The following KDM2B variants were observed in gnomAD, a reference collection of about 807,000 sequenced individuals.
KDM2B encodes lysine demethylase 2B.
KDM2B carries 26 observed loss-of-function variants against 150.0 expected under a neutral mutation model. That is an observed-to-expected ratio of 0.17 (90% confidence interval 0.13 to 0.24). The LOEUF (loss-of-function observed/expected upper bound fraction) is 0.24, where lower values mean the gene tolerates loss of function less well. KDM2B is among the 10% of genes least tolerant of loss of function. The pLI is 1.00. For missense variants in KDM2B, 1,265 were observed against 1,816.9 expected (o/e 0.70, Z 5.52); for synonymous variants, 734 against 729.5 (o/e 1.01, Z -0.10).
intron 6 of KDM2B, chr12:121,536,059 G>A (rs1269461064): frequency 4.1e-6 from 4 of 985,838 alleles, no homozygotes; most frequent in Middle Eastern, 5.1e-4. Context: ...ATGGTTTGGG[G>A]AAGAGGGAAG....
chr12:121,463,518 TGA>T (rs1879403475), intron 12 of KDM2B, among the ~76,000 whole-genome samples: 1 of 152,236 alleles, frequency 6.6e-6, no homozygotes, highest in Non-Finnish European at 1.5e-5. Context: ...CATAAATTTC[TGA>T]GAGATTTTCT....
In KDM2B at chr12:121,480,583, C is replaced by CAAAAAA. The variant is rs35490517; in HGVS notation, c.1734+13990_1734+13995dup. 4.9e-4 allele frequency among the ~76,000 whole-genome samples: 31 copies of CAAAAAA among 63,232 alleles called. No individual in the cohort carries two copies. The East Asian group carries it at 9.2e-3, about 19-fold the overall frequency. The allele number at this position is 63,232 out of a possible 152,430, so 41.5% of individuals were successfully genotyped here. A position where few individuals can be genotyped will look rare whatever the true frequency, so the allele number is the denominator to read the frequency against. On this transcript the variant is annotated intron_variant, in intron 12 of 22. Coordinates refer to ENST00000377071, the MANE Select transcript of KDM2B (RefSeq NM_032590.5). ...CAACATAATGAGACCCTGTCGCTACCAAAAAAAAAAAAAAAAAAAAAAAAG... is the reference window on the plus strand; with the variant it reads ...CAACATAATGAGACCCTGTCGCTACCAAAAAAAAAAAAAAAAAAAAAAAAAAAAAAG...
chr12:121,417,795 A>G, the KDM2B span: 1 of 1,614,216 alleles, frequency 6.2e-7, no homozygotes, highest in Non-Finnish European at 8.5e-7. This position sits in a 1 kb window ranked among gnomAD's most constrained non-coding sequence, Gnocchi z 5.0. Context: ...CCAGACTTCT[A>G]GCTTTTTTAC....
In KDM2B at chr12:121,479,614, A is replaced by C. The variant is rs187803147; in HGVS notation, c.1734+14965T>G. On this transcript the variant is annotated intron_variant, in intron 12 of 22. Coordinates refer to ENST00000377071, the MANE Select transcript of KDM2B (RefSeq NM_032590.5). The stretch of plus-strand genomic sequence containing the variant: ...AGCCTGGGCGACAAACTGTGACTCC[A>C]TTTTTCTCTCTCTCTCCTTTTTTTT... Among the ~76,000 whole-genome samples, 868 of 151,498 alleles carry C rather than the reference A, an allele frequency of 5.7e-3. 11 individuals carry two copies. Among genetic ancestry groups the C allele is most frequent in the African/African-American group, 0.02 (820 of 41,260 alleles).
chr12:121,536,752 T>C (rs1490677549), intron 6 of KDM2B, among the ~76,000 whole-genome samples: 1 of 151,886 alleles, frequency 6.6e-6, no homozygotes, highest in African/African-American at 2.4e-5. Flanking sequence ...AATCTAAGTA[T>C]GTGCGGGGCG....
In KDM2B at chr12:121,468,149, C is replaced by G. The variant is rs1410808974; in HGVS notation, c.1735-14805G>C. 6.6e-6 allele frequency: 1 copy of G among 152,256 alleles called. No homozygotes were observed. Among genetic ancestry groups the G allele is most frequent in the Non-Finnish European group, 1.5e-5 (1 of 68,074 alleles). The allele number at this position is 152,256 out of a possible 1,614,324, so 9.4% of individuals were successfully genotyped here. ...GAGTTGACCTCCGAAAGGTGGAGGA[C>G]GTCGCAGGCCAGAACCCAGCTCTCC... On this transcript the variant is annotated intron_variant, in intron 12 of 22. Coordinates refer to ENST00000377071, the MANE Select transcript of KDM2B (RefSeq NM_032590.5). The surrounding 1 kb of genome is among the most constrained non-coding windows in gnomAD (Gnocchi z 4.0).
At chr12:121,466,239 CACATGCT>C (rs1555294743) in intron 12 of KDM2B, among the ~76,000 whole-genome samples, 14 of 152,306 alleles carry the variant, frequency 9.2e-5, no homozygotes, top group Non-Finnish European at 4.4e-5. Flanking sequence ...CGTCCAATGC[CACATGCT>C]AACTCAATCC....
chr12:121,511,377 C>T (rs1885580903), intron 10 of KDM2B, among the ~76,000 whole-genome samples: 1 of 151,110 alleles, frequency 6.6e-6, no homozygotes, highest in African/African-American at 2.4e-5. Context: ...ACCTCCGCCT[C>T]CCAGGTTCAA....
intron 12 of KDM2B, among the ~76,000 whole-genome samples, chr12:121,458,280 G>A (rs1422772917): frequency 2.6e-5 from 4 of 152,138 alleles, no homozygotes; most frequent in Non-Finnish European, 4.4e-5. Flanking sequence ...GGAGGCTGAA[G>A]CTGGAGAATC....
chr12:121,517,911 G>C (rs115771628), intron 9 of KDM2B, among the ~76,000 whole-genome samples: 1 of 151,142 alleles, frequency 6.6e-6, no homozygotes, highest in Non-Finnish European at 1.5e-5. Flanking sequence ...TTGAGGGGGG[G>C]GATGGAGTTT....
At position 121,453,436 on chromosome 12, in the gene KDM2B, C is replaced by G; in HGVS notation, c.1735-92G>C. 2.1e-6 allele frequency: 2 copies of G among 943,058 alleles called. No individual in the cohort carries two copies. The highest frequency in any genetic ancestry group is 3.1e-6 in the Non-Finnish European group (2 of 637,072). 58.4% of individuals were successfully genotyped at this position (943,058 alleles called of 1,614,324 possible). A position where few individuals can be genotyped will look rare whatever the true frequency, so the allele number is the denominator to read the frequency against. ...GTGTTAGGGAGCAAACTGTGTACCC[C>G]CAGAAAGACACGATGGGGGCTCTAA... On this transcript the variant is annotated intron_variant, in intron 12 of 22. Coordinates refer to ENST00000377071, the MANE Select transcript of KDM2B (RefSeq NM_032590.5). The surrounding 1 kb of genome is among the most constrained non-coding windows in gnomAD (Gnocchi z 6.4).
At position 121,549,628 on chromosome 12, in the gene KDM2B, C is replaced by G. The variant is rs782115792; in HGVS notation, c.408G>C (p.Arg136=). The G allele has an allele frequency of 3.8e-6, 6 of 1,578,050 alleles. No homozygotes were observed. The African/African-American group carries it at 8.1e-5, about 21-fold the overall frequency. The change falls in exon 5 of 23, where the codon CGG becomes CGC. Residue 136 remains arginine, a synonymous_variant. Coordinates refer to ENST00000377071, the MANE Select transcript of KDM2B (RefSeq NM_032590.5). The surrounding 1 kb of genome is among the most constrained non-coding windows in gnomAD (Gnocchi z 4.4). ...RDVKLLVGSR[R]LVDVMDVNTQ... ...TGTTCACATCCATCACGTCCACAAG[C>G]CGCCGGCTCCCTGGAGGCAGAAGCC...
chr12:121,566,842 C>T (rs1162866662), intron 4 of KDM2B, among the ~76,000 whole-genome samples: 1 of 152,090 alleles, frequency 6.6e-6, no homozygotes, highest in Non-Finnish European at 1.5e-5. Flanking sequence ...TTCAAAGACA[C>T]CTTTTTAGGA....
At chr12:121,422,214 A>G in the KDM2B span, among the ~76,000 whole-genome samples, 6 of 152,160 alleles carry the variant, frequency 3.9e-5, no homozygotes, top group Non-Finnish European at 7.4e-5. Flanking sequence ...CCATTAACTC[A>G]CTGCATAATC....
At chr12:121,580,500 G>A (rs1323917625) in intron 1 of KDM2B, 6 of 1,200,592 alleles carry the variant, frequency 5.0e-6, no homozygotes, top group Non-Finnish European at 6.2e-6. Flanking sequence ...GCCGCCGCCC[G>A]GGAGTTGTGT....
chr12:121,416,771 TTAAC>T, the KDM2B span, among the ~76,000 whole-genome samples: 1 of 152,240 alleles, frequency 6.6e-6, no homozygotes, highest in Admixed American at 6.5e-5. Flanking sequence ...ATGCAATAAA[TTAAC>T]TACTCTTTAG....
intron 12 of KDM2B, among the ~76,000 whole-genome samples, chr12:121,477,175 G>A (rs1173244800): frequency 3.3e-5 from 5 of 151,952 alleles, no homozygotes; most frequent in African/African-American, 1.2e-4. Flanking sequence ...CAGGCCTCAA[G>A]CAATCCCCCC....
At chr12:121,428,884 C>T (rs576770919), downstream of KDM2B, among the ~76,000 whole-genome samples, 6 of 152,270 alleles carry the variant, frequency 3.9e-5, no homozygotes, top group Admixed American at 3.9e-4. Flanking sequence ...GGCAAGTAGC[C>T]ATGGAATTAA....
intron 8 of KDM2B, among the ~76,000 whole-genome samples, chr12:121,526,576 A>G (rs1324324940): frequency 6.6e-6 from 1 of 152,004 alleles, no homozygotes; most frequent in Admixed American, 6.6e-5. Flanking sequence ...TTTGTTTAAA[A>G]AAAAATGGTG....
Sources: gnomAD v4.1 joint callset for allele counts (sites outside exome capture counted in the v4.1 genomes callset) on GRCh38, gnomAD v4.1.1 for gene constraint, Gnocchi (gnomAD v3.1) non-coding constraint, MANE v1.5 for transcripts, NCBI Gene and HGNC (gene_info 2026-07-23, HGNC 2026-07-21) for gene names.